The following NLRP2 variants were observed in gnomAD, a reference collection of about 807,000 sequenced individuals.
NLRP2 encodes NACHT, LRR and PYD domains-containing protein 2.
A neutral mutation model predicts 97.2 loss-of-function variants in NLRP2; 107 were observed. That is an observed-to-expected ratio of 1.10 (90% CI 0.94 to 1.29). The LOEUF (loss-of-function observed/expected upper bound fraction) is 1.29, where lower values mean the gene tolerates loss of function less well. NLRP2 is among the 50% of genes most tolerant of loss of function. The pLI, the probability that NLRP2 is intolerant of heterozygous loss-of-function variation, is 0.00. For synonymous variants in NLRP2, 663 were observed against 551.5 expected, an observed-to-expected ratio of 1.20 and a Z score of -2.83; for missense variants, 1,495 against 1,330.3, an observed-to-expected ratio of 1.12 and a Z score of -1.93.
chr19:54,990,033 G>C lies in NLRP2; in HGVS notation c.2378G>C (p.Cys793Ser). 6.2e-7 allele frequency: 1 copy of C among 1,613,180 alleles called. No individual in the cohort carries two copies. The highest frequency in any genetic ancestry group is 8.5e-7 in the Non-Finnish European group (1 of 1,179,794). The change falls in exon 9 of 13, where the codon TGT becomes TCT. Residue 793 changes from cysteine to serine, a missense_variant. Cys to Ser is a moderately radical substitution (Grantham distance 112, BLOSUM62 -1). Coordinates refer to ENST00000448584, the MANE Select transcript of NLRP2 (RefSeq NM_017852.5). ...CNLRYLGLVS[C>S]SATTQQWADL... ...TATTTCTCCCACAGGTTGGTGTCTT[G>C]TTCCGCTACCACTCAGCAGTGGGCT...
intron 2 of NLRP2, among the ~76,000 whole-genome samples, chr19:54,971,829 G>T (rs1443511145): frequency 6.6e-6 from 1 of 150,920 alleles, no homozygotes; most frequent in Non-Finnish European, 1.5e-5. Flanking sequence ...CATGAACTAT[G>T]GTTATTTAAC....
intron 12 of NLRP2, 146 bp downstream of exon 12, chr19:54,997,633 CTTGGAGA>C: frequency 1.1e-6 from 1 of 875,384 alleles, no homozygotes; most frequent in Non-Finnish European, 1.9e-6. Context: ...CTGTATTTCA[CTTGGAGA>C]AACGGGGTTT....
At chr19:54,997,253 G>A in intron 11 of NLRP2, 64 bp from the exon 12 acceptor site, 9 of 1,558,518 alleles carry the variant, frequency 5.8e-6, no homozygotes, top group Non-Finnish European at 7.1e-6. Flanking sequence ...GGGTGGGCTT[G>A]GCTTGCCGGA....
intron 4 of NLRP2, among the ~76,000 whole-genome samples, chr19:54,981,252 C>T (rs924105600): frequency 1.3e-5 from 2 of 152,150 alleles, no homozygotes; most frequent in Admixed American, 6.6e-5. Context: ...CTACAACCTC[C>T]ATCTCCCAGG....
At chr19:54,984,329 GTT>G (rs200366059) in intron 6 of NLRP2, among the ~76,000 whole-genome samples, 2,354 of 79,576 alleles carry the variant, frequency 0.03, 14 homozygotes, top group African/African-American at 0.056. Context: ...TTTTTTTTGT[GTT>G]TTTTTTTTTT....
chr19:54,985,278 C>T, intron 7 of NLRP2, 61 bp downstream of exon 7: 1 of 1,492,890 alleles, frequency 6.7e-7, no homozygotes, highest in Non-Finnish European at 9.3e-7. Flanking sequence ...ACAATGTTAA[C>T]ATCGGAGCAA....
chr19:54,986,539 C>T, intron 8 of NLRP2: 1 of 587,914 alleles, frequency 1.7e-6, no homozygotes. Flanking sequence ...CAAAGAAACT[C>T]CCAGAATCTT....
rs765646068 is a variant in NLRP2 at position 54,983,301 on chromosome 19, G to T, written c.1603G>T (p.Val535Leu). The T allele has an allele frequency of 2.5e-6, 4 of 1,614,182 alleles. No homozygotes were observed. The South Asian group carries it at 4.4e-5, about 18-fold the overall frequency. Reference protein sequence around the residue: ...RDGHTWDIGDVQKLLSGVERL... With the variant: ...RDGHTWDIGDLQKLLSGVERL... ...CGGCCACACCTGGGACATTGGGGAC[G>T]TACAGAAGCTGCTTTCCGGAGTAGA... is the stretch of plus-strand genomic sequence containing the variant. Residue 535 changes from valine (V) to leucine (L), a missense_variant, in exon 6 of 13, where the codon GTA (valine) becomes TTA (leucine). Val to Leu is a conservative substitution (Grantham distance 32). Transcript: ENST00000448584.
intron 12 of NLRP2, among the ~76,000 whole-genome samples, chr19:54,998,522 GTTTT>G (rs1160160380): frequency 1.4e-5 from 2 of 145,156 alleles, no homozygotes; most frequent in Non-Finnish European, 3.0e-5. Flanking sequence ...GACACTAAGG[GTTTT>G]TTTAAGCTTT....
At chr19:54,972,687 G>A (rs1369987445) in intron 2 of NLRP2, among the ~76,000 whole-genome samples, 1 of 151,860 alleles carries the variant, frequency 6.6e-6, no homozygotes, top group Non-Finnish European at 1.5e-5. Context: ...GAACTTCTGT[G>A]GGCTCAACCG....
intron 8 of NLRP2, among the ~76,000 whole-genome samples, chr19:54,987,828 G>A (rs1245173363): frequency 1.3e-5 from 2 of 151,820 alleles, no homozygotes; most frequent in African/African-American, 2.4e-5. Context: ...GGATCACAAG[G>A]TCAGGAGTTC....
chr19:54,973,817 A>G (rs748470324), intron 2 of NLRP2: 11 of 606,352 alleles, frequency 1.8e-5, no homozygotes, highest in South Asian at 1.4e-4. Flanking sequence ...TCACACAGAC[A>G]TGGTGAATGT....
chr19:54,991,975 A>G (rs1295215315), intron 10 of NLRP2, among the ~76,000 whole-genome samples: 1 of 143,610 alleles, frequency 7.0e-6, no homozygotes, highest in Non-Finnish European at 1.5e-5. Context: ...CACGCTGGCA[A>G]TGGCATGATC....
intron 5 of NLRP2, 87 bp downstream of exon 5, chr19:54,981,769 A>T: frequency 2.4e-6 from 2 of 847,132 alleles, no homozygotes; most frequent in Non-Finnish European, 4.1e-6. Flanking sequence ...ATGTAACACA[A>T]AGCATTTATT....
In NLRP2 at chr19:54,982,541, G is replaced by C. The variant is rs755257910; in HGVS notation, c.843G>C (p.Arg281=). The C allele has an allele frequency of 2.5e-6, 4 of 1,614,096 alleles. No homozygotes were observed. The highest frequency in any genetic ancestry group is 3.4e-6 in the Non-Finnish European group (4 of 1,180,048). ...TTCCACACATCCTAGCCCAAGCACG[G>C]AAAATCTTGTTCGTGATTGACGGCT... ...DDIPHILAQA[R]KILFVIDGFD... is the part of the protein sequence containing the mutation. Residue 281 remains arginine, a synonymous_variant, in exon 6 of 13, where the codon CGG becomes CGC. Coordinates refer to ENST00000448584, the MANE Select transcript of NLRP2 (RefSeq NM_017852.5).
chr19:54,993,818 A>T (rs949330148), intron 10 of NLRP2: 19 of 276,386 alleles, frequency 6.9e-5, no homozygotes, highest in African/African-American at 4.2e-4. Context: ...GAAGTGAGCC[A>T]CCGTGCCAGC....
chr19:54,969,925 C>T, intron 1 of NLRP2, 74 bp from the exon 2 acceptor site: 2 of 1,452,314 alleles, frequency 1.4e-6, no homozygotes, highest in Non-Finnish European at 1.9e-6. Context: ...GTTCGTGGCA[C>T]AGCAGGAACT....
intron 2 of NLRP2, 74 bp downstream of exon 2, chr19:54,970,369 G>A (rs1477351440): frequency 6.4e-7 from 1 of 1,571,272 alleles, no homozygotes; most frequent in East Asian, 2.2e-5. Context: ...AAATTCAGAA[G>A]GCCAGGCGCG....
intron 10 of NLRP2, 140 bp from the exon 11 acceptor site, chr19:54,994,129 A>G: frequency 1.1e-6 from 1 of 938,440 alleles, no homozygotes; most frequent in Non-Finnish European, 1.7e-6. Flanking sequence ...TCTTCTGTCC[A>G]CCACACCACC....
Sources: gnomAD v4.1 joint callset for allele counts (sites outside exome capture counted in the v4.1 genomes callset) on GRCh38, gnomAD v4.1.1 for gene constraint, MANE v1.5 for transcripts, NCBI Gene and HGNC (gene_info 2026-07-23, HGNC 2026-07-21) for gene names.